ASTN2: variants seen among roughly 807,000 people sequenced by gnomAD.
ASTN2 encodes astrotactin 2.
In ASTN2, 54 loss-of-function variants were observed where a neutral mutation model predicts 139.8. The ratio of observed to expected loss-of-function variants is 0.39; its 90% confidence interval spans 0.31 to 0.48. The LOEUF (loss-of-function observed/expected upper bound fraction) is 0.48, where lower values mean the gene tolerates loss of function less well. ASTN2 is among the 20% of genes least tolerant of loss of function. ASTN2 has a pLI of 0.95. For missense variants in ASTN2, 1,565 were observed against 1,725.1 expected, an observed-to-expected ratio of 0.91 and a Z score of 1.64; for synonymous variants, 756 against 719.5, an observed-to-expected ratio of 1.05 and a Z score of -0.81.
chr9:117,082,698 G>A (rs1828460551), intron 5 of ASTN2, among the ~76,000 whole-genome samples: 2 of 152,178 alleles, frequency 1.3e-5, no homozygotes, highest in South Asian at 4.2e-4. Flanking sequence ...AGCTACTCGG[G>A]AGGCTGAGGC....
chr9:117,012,439 C>T (rs1338582872), intron 6 of ASTN2, among the ~76,000 whole-genome samples: 1 of 152,112 alleles, frequency 6.6e-6, no homozygotes, highest in Non-Finnish European at 1.5e-5. Context: ...TAACCATTTA[C>T]CCAACGTTGA....
At chr9:117,060,933 A>G (rs1269644118) in intron 5 of ASTN2, among the ~76,000 whole-genome samples, 2 of 152,082 alleles carry the variant, frequency 1.3e-5, no homozygotes, top group Admixed American at 1.3e-4. Context: ...GAAAGAAAAA[A>G]TAAAGTAGAC....
chr9:117,315,837 A>C (rs1828126639), intron 1 of ASTN2, among the ~76,000 whole-genome samples: 1 of 152,146 alleles, frequency 6.6e-6, no homozygotes, highest in Non-Finnish European at 1.5e-5. Flanking sequence ...ATCCAATATT[A>C]AGTATTTGGA....
At chr9:117,383,850 G>T (rs182441519) in intron 1 of ASTN2, among the ~76,000 whole-genome samples, 1 of 152,152 alleles carries the variant, frequency 6.6e-6, no homozygotes, top group Admixed American at 6.5e-5. Context: ...GATTTGTTAC[G>T]CTCAGCTCCC....
intron 5 of ASTN2, among the ~76,000 whole-genome samples, chr9:117,066,691 A>G (rs1827957329): frequency 6.6e-6 from 1 of 152,104 alleles, no homozygotes; most frequent in Non-Finnish European, 1.5e-5. Flanking sequence ...TTGTTTCCTG[A>G]CTTTTTAATG....
At chr9:117,295,468 C>T (rs1024043014) in intron 1 of ASTN2, among the ~76,000 whole-genome samples, 1 of 152,130 alleles carries the variant, frequency 6.6e-6, no homozygotes, top group Non-Finnish European at 1.5e-5. Context: ...CTCTCACGCA[C>T]TTTGGAAAGT....
At chr9:116,517,906 C>T (rs1406466582) in intron 19 of ASTN2, among the ~76,000 whole-genome samples, 2 of 152,160 alleles carry the variant, frequency 1.3e-5, no homozygotes, top group African/African-American at 4.8e-5. Flanking sequence ...GAAGAAAGAA[C>T]TTCAGAGCTT....
chr9:117,180,990 A>G, intron 3 of ASTN2: 1 of 1,596,740 alleles, frequency 6.3e-7, no homozygotes, highest in South Asian at 1.1e-5. Context: ...GGGGCTTTCC[A>G]AAGGCACCTC....
intron 12 of ASTN2, among the ~76,000 whole-genome samples, chr9:116,812,466 C>T (rs1450063240): frequency 6.6e-6 from 1 of 152,104 alleles, no homozygotes; most frequent in Non-Finnish European, 1.5e-5. Context: ...GCAGATGCTC[C>T]CTAGCAGTTG....
intron 20 of ASTN2, among the ~76,000 whole-genome samples, chr9:116,466,179 G>A (rs1045327936): frequency 6.6e-6 from 1 of 152,176 alleles, no homozygotes; most frequent in Non-Finnish European, 1.5e-5. Flanking sequence ...GAGTGATAGA[G>A]CTGGTACTTA....
chr9:116,601,416 G>A (rs928404836), intron 19 of ASTN2, among the ~76,000 whole-genome samples: 1 of 152,178 alleles, frequency 6.6e-6, no homozygotes, highest in African/African-American at 2.4e-5. Flanking sequence ...TGCCAGATAT[G>A]ATCAAATGTA....
intron 4 of ASTN2, among the ~76,000 whole-genome samples, chr9:117,119,421 G>A (rs1202119861): frequency 2.0e-5 from 3 of 152,152 alleles, no homozygotes; most frequent in Non-Finnish European, 2.9e-5. Flanking sequence ...AGGACAAGGA[G>A]GCCCCTATCA....
At chr9:116,986,517 T>A (rs1836687821) in intron 7 of ASTN2, among the ~76,000 whole-genome samples, 1 of 152,194 alleles carries the variant, frequency 6.6e-6, no homozygotes, top group South Asian at 2.1e-4. Flanking sequence ...AGAGGATTGC[T>A]GAGCTCTGCC....
intron 16 of ASTN2, among the ~76,000 whole-genome samples, chr9:116,679,372 G>T (rs1486622529): frequency 6.6e-6 from 1 of 152,044 alleles, no homozygotes; most frequent in Non-Finnish European, 1.5e-5. Flanking sequence ...CATACAAGAA[G>T]CACTGTCAAA....
chr9:117,093,827 A>T (rs565393501), intron 5 of ASTN2, among the ~76,000 whole-genome samples: 58 of 152,260 alleles, frequency 3.8e-4, no homozygotes, highest in Middle Eastern at 6.8e-3. Flanking sequence ...GTATTAAGAA[A>T]GCTCTCCCTG....
At chr9:117,161,018 G>A (rs1588029013) in intron 3 of ASTN2, among the ~76,000 whole-genome samples, 1 of 151,984 alleles carries the variant, frequency 6.6e-6, no homozygotes, top group African/African-American at 2.4e-5. Context: ...GACATTTTCT[G>A]AGCTGTGAAA....
At chr9:116,697,670 T>TA (rs1309347991) in intron 16 of ASTN2, 3 of 1,588,010 alleles carry the variant, frequency 1.9e-6, no homozygotes, top group Non-Finnish European at 2.6e-6. Flanking sequence ...AGCAGGAATT[T>TA]GACCCTCTAG....
intron 6 of ASTN2, among the ~76,000 whole-genome samples, chr9:117,020,002 CTGTGTGTGTGTGTGTGTGTGTGTG>C (rs57575432): frequency 2.1e-5 from 3 of 140,816 alleles, no homozygotes; most frequent in South Asian, 2.4e-4. Flanking sequence ...TTCAGGGTTT[CTGTGTGTGTGTGTGTGTGTGTGTG>C]TGTGTGTGTG....
intron 10 of ASTN2, among the ~76,000 whole-genome samples, chr9:116,941,141 C>T (rs1329622774): frequency 6.6e-6 from 1 of 150,976 alleles, no homozygotes; most frequent in African/African-American, 2.4e-5. Flanking sequence ...ATCCCTTTCG[C>T]TGAGTGACAC....
Sources: gnomAD v4.1 joint callset for allele counts (sites outside exome capture counted in the v4.1 genomes callset) on GRCh38, gnomAD v4.1.1 for gene constraint, MANE v1.5 for transcripts, NCBI Gene and HGNC (gene_info 2026-07-23, HGNC 2026-07-21) for gene names.